The following PRDM10 variants were observed in gnomAD, a reference collection of about 807,000 sequenced individuals.
The protein encoded by PRDM10 is PR domain zinc finger protein 10.
PRDM10 carries 65 observed loss-of-function variants against 133.1 expected under a neutral mutation model. The ratio of observed to expected loss-of-function variants is 0.49; its 90% CI spans 0.40 to 0.60. The LOEUF (loss-of-function observed/expected upper bound fraction) is 0.60. PRDM10 is among the 20% of genes least tolerant of loss of function. The probability of loss-of-function intolerance (pLI) is 0.00; values close to 1 mark genes in which losing one functional copy is unlikely to be tolerated. For missense variants in PRDM10, 1,137 were observed against 1,507.1 expected (o/e 0.75, Z 4.07); for synonymous variants, 582 against 580.4 (o/e 1.00, Z -0.04).
chr11:129,996,848 T>G (rs1272998176), intron 1 of PRDM10, among the ~76,000 whole-genome samples: 2 of 152,202 alleles, frequency 1.3e-5, no homozygotes, highest in African/African-American at 2.4e-5. Context: ...TTGTGGTGAG[T>G]GATTAACAGG....
At chr11:129,944,474 A>G (rs565016262) in intron 6 of PRDM10, among the ~76,000 whole-genome samples, 4 of 151,330 alleles carry the variant, frequency 2.6e-5, no homozygotes, top group Admixed American at 6.6e-5. Context: ...AGTCCCAGCT[A>G]CTCGGGAGGC....
rs779552249 is a variant in PRDM10 at position 129,914,810 on chromosome 11, G to A, written c.2735C>T (p.Thr912Met). The A allele has an allele frequency of 2.0e-5, 33 of 1,614,080 alleles. No individual in the cohort carries two copies. Among genetic ancestry groups the A allele is most frequent in the East Asian group, 1.1e-4 (5 of 44,878 alleles). The change falls in exon 17 of 21, where the codon ACG (threonine) becomes ATG (methionine). Residue 912 changes from threonine (T) to methionine (M), a missense_variant. Physicochemically the swap from Thr to Met is moderately conservative, Grantham distance 81. Transcript: ENST00000360871. ...LSQTLTTDYR[T>M]PQGDYQRIQY... ...AATTCTCTGGTAATCCCCTTGTGGC[G>A]TTCGGTAGTCTGTCGTTAAGGTCTG...
At chr11:129,913,848 T>C (rs1950267409) in intron 17 of PRDM10, among the ~76,000 whole-genome samples, 1 of 152,222 alleles carries the variant, frequency 6.6e-6, no homozygotes. Flanking sequence ...ATTTGTGCCT[T>C]GGGGACACTT....
intron 2 of PRDM10, among the ~76,000 whole-genome samples, chr11:129,960,562 A>T (rs1354109784): frequency 6.6e-6 from 1 of 152,200 alleles, no homozygotes; most frequent in Non-Finnish European, 1.5e-5. Flanking sequence ...AAAGGACCAA[A>T]CTACTATGGA....
At chr11:129,935,025 T>A in intron 9 of PRDM10, 76 bp downstream of exon 9, 1 of 1,268,458 alleles carries the variant, frequency 7.9e-7, no homozygotes, top group South Asian at 1.2e-5. Flanking sequence ...GAGACACTCA[T>A]TAGCTAGTGG....
At chr11:129,989,059 G>A (rs990595626) in intron 1 of PRDM10, among the ~76,000 whole-genome samples, 5 of 152,228 alleles carry the variant, frequency 3.3e-5, no homozygotes, top group Non-Finnish European at 2.9e-5. Flanking sequence ...CACAGGGAAA[G>A]TAGAAGAATT....
Position 129,924,976 on chromosome 11 carries a change from C to T in PRDM10, c.1784G>A (p.Arg595His), listed in dbSNP as rs148098393. Residue 595 changes from arginine (R) to histidine (H), a missense_variant, in exon 12 of 21, where the codon CGC becomes CAC. Around this residue, in one of 6 missense-constraint regions of PRDM10, gnomAD observed 635 missense variants for 835.2 expected, o/e 0.76. Transcript: ENST00000360871. ...SCIFCPESFD[R>H]LDLLKDHVAI... ...CACATGATCTTTCAACAAATCAAGG[C>T]GGTCAAAGGATTCTGGGCAAAAAAT... The T allele has an allele frequency of 6.0e-5, 97 of 1,614,092 alleles. No homozygotes were observed. The highest frequency in any genetic ancestry group is 4.0e-4 in the Admixed American group (24 of 59,986).
intron 7 of PRDM10, 112 bp downstream of exon 7, chr11:129,942,314 C>T (rs1951235492): frequency 2.9e-6 from 3 of 1,049,374 alleles, no homozygotes; most frequent in African/African-American, 1.6e-5. Flanking sequence ...AGAAAATGAC[C>T]CCCCTCCCCC....
intron 5 of PRDM10, among the ~76,000 whole-genome samples, chr11:129,946,134 C>G (rs1429626763): frequency 6.6e-6 from 1 of 151,822 alleles, no homozygotes; most frequent in East Asian, 1.9e-4. Flanking sequence ...GTCCCAACTA[C>G]TCTACTCCGG....
intron 1 of PRDM10, among the ~76,000 whole-genome samples, chr11:129,988,657 T>TCTC (rs937376886): frequency 5.9e-5 from 9 of 151,298 alleles, no homozygotes; most frequent in South Asian, 2.1e-4. Flanking sequence ...TGAGACGGAA[T>TCTC]CTCGCTCTGT....
chr11:129,952,328 G>A (rs1951601676), intron 4 of PRDM10, among the ~76,000 whole-genome samples: 1 of 152,196 alleles, frequency 6.6e-6, no homozygotes, highest in African/African-American at 2.4e-5. Flanking sequence ...AGTGTGGCAA[G>A]AGTGTGTGGA....
At chr11:129,985,262 A>G (rs976480870) in intron 1 of PRDM10, among the ~76,000 whole-genome samples, 47 of 151,980 alleles carry the variant, frequency 3.1e-4, no homozygotes, top group African/African-American at 1.1e-3. Flanking sequence ...CACAGCTAAG[A>G]AAGTGTGTGT....
intron 17 of PRDM10, 88 bp downstream of exon 17, chr11:129,914,616 T>G: frequency 6.4e-7 from 1 of 1,551,724 alleles, no homozygotes; most frequent in Non-Finnish European, 8.9e-7. Context: ...AGAAGGACAT[T>G]ACATAGATCC....
At chr11:129,927,321 G>C (rs1222137634) in intron 11 of PRDM10, among the ~76,000 whole-genome samples, 1 of 149,970 alleles carries the variant, frequency 6.7e-6, no homozygotes, top group African/African-American at 2.4e-5. Context: ...TTACATAAAA[G>C]CTTTACTATT....
rs370512969 is a variant in PRDM10, at chr11:129,923,391, C to T, written c.1891G>A (p.Val631Met). 1.4e-4 allele frequency: 218 copies of T among 1,605,484 alleles called. No individual in the cohort carries two copies. Among genetic ancestry groups the T allele is most frequent in the Non-Finnish European group, 1.8e-4 (206 of 1,176,304 alleles). ...FPDFIQVKKH[V>M]RSFHSEKIYQ... ...ATCTTTTCTGAGTGGAAGCTGCGCA[C>T]GTGTTTTTTCACCTGGTGATAAGAA... The change falls in exon 13 of 21, where the codon GTG (valine) becomes ATG (methionine). Residue 631 changes from valine to methionine, a missense_variant. By Grantham distance (21) the Val-to-Met change is conservative. Transcript: ENST00000360871. This position sits in a 1 kb window ranked among gnomAD's most constrained non-coding sequence, Gnocchi z 4.4.
intron 1 of PRDM10, among the ~76,000 whole-genome samples, chr11:129,967,347 C>T (rs1351999413): frequency 1.1e-4 from 16 of 152,142 alleles, no homozygotes; most frequent in Non-Finnish European, 2.2e-4. Flanking sequence ...GCTGAGGTTG[C>T]GCCACTGCAC....
chr11:129,947,273 T>C lies in PRDM10; in HGVS notation c.392A>G (p.Glu131Gly). ...ATCCTCATCCTCTTCCTCTTTGGCC[T>C]CCAGTCTGCCTAGAGGGGTCTGCAG... Reference protein sequence around the residue: ...ATLQTPLGRLEAKEEEDEDED... With the variant: ...ATLQTPLGRLGAKEEEDEDED... Residue 131 changes from glutamate to glycine, a missense_variant, in exon 5 of 21, where the codon GAG becomes GGG. Around this residue, in one of 6 missense-constraint regions of PRDM10, gnomAD observed 635 missense variants for 835.2 expected, o/e 0.76. Transcript: ENST00000360871. This position sits in a 1 kb window ranked among gnomAD's most constrained non-coding sequence, Gnocchi z 4.6. 6.2e-7 allele frequency: 1 copy of C among 1,614,098 alleles called. No homozygotes were observed. The highest frequency in any genetic ancestry group is 8.5e-7 in the Non-Finnish European group (1 of 1,180,018).
intron 7 of PRDM10, among the ~76,000 whole-genome samples, chr11:129,940,411 T>C (rs1343065071): frequency 6.6e-6 from 1 of 152,218 alleles, no homozygotes; most frequent in East Asian, 1.9e-4. Context: ...CTTCCAGAAA[T>C]GTTTTATGAA....
At chr11:129,910,678 T>G in intron 18 of PRDM10, 22 bp from the exon 19 acceptor site, 1 of 1,516,142 alleles carries the variant, frequency 6.6e-7, no homozygotes, top group Non-Finnish European at 8.9e-7. Context: ...GAGAAAGCAA[T>G]GGTAGGGAAT....
Sources: gnomAD v4.1 joint callset for allele counts (sites outside exome capture counted in the v4.1 genomes callset) on GRCh38, gnomAD v4.1.1 for gene constraint, gnomAD v4.1.1 regional missense constraint, Gnocchi (gnomAD v3.1) non-coding constraint, MANE v1.5 for transcripts, NCBI Gene and HGNC (gene_info 2026-07-23, HGNC 2026-07-21) for gene names.